PTPRG: variants seen among roughly 807,000 people sequenced by gnomAD.
PTPRG encodes protein tyrosine phosphatase receptor type G.
A neutral mutation model predicts 165.3 loss-of-function variants in PTPRG; 102 were observed. The observed-to-expected ratio is 0.62, with a 90% CI of 0.53 to 0.73. The LOEUF (loss-of-function observed/expected upper bound fraction) is 0.73. Among genes scored for constraint, PTPRG ranks in the 30% least tolerant of loss-of-function variants. The pLI, the probability that PTPRG is intolerant of heterozygous loss-of-function variation, is 0.00. For synonymous variants in PTPRG, 675 were observed against 669.5 expected (o/e 1.01, Z -0.13); for missense variants, 1,866 against 1,861.4 (o/e 1.00, Z -0.05).
chr3:61,593,083 C>T (rs1485691333), intron 1 of PTPRG, among the ~76,000 whole-genome samples: 1 of 152,204 alleles, frequency 6.6e-6, no homozygotes, highest in African/African-American at 2.4e-5. Context: ...GACTCATAGA[C>T]TCTTAGGCCC....
At chr3:62,017,256 T>C (rs890083997) in intron 4 of PTPRG, among the ~76,000 whole-genome samples, 6 of 152,158 alleles carry the variant, frequency 3.9e-5, no homozygotes, top group Admixed American at 3.9e-4. Context: ...AACTTTTAAT[T>C]CTTCATAAAA....
intron 1 of PTPRG, among the ~76,000 whole-genome samples, chr3:61,677,201 C>T (rs1018410644): frequency 1.4e-5 from 2 of 147,658 alleles, no homozygotes; most frequent in African/African-American, 5.1e-5. Context: ...GCCCAGATCG[C>T]ACCACTGCAC....
intron 2 of PTPRG, among the ~76,000 whole-genome samples, chr3:61,856,513 G>A (rs1356052122): frequency 4.6e-5 from 7 of 152,032 alleles, no homozygotes; most frequent in Admixed American, 1.3e-4. Context: ...CTCAACCTTG[G>A]TTCCAAAACA....
At position 61,571,892 on chromosome 3, in the gene PTPRG, C is replaced by A. The variant is rs145179925; in HGVS notation, c.85+9520C>A. 1.4e-3 allele frequency among the ~76,000 whole-genome samples: 210 copies of A among 152,316 alleles called. 2 individuals are homozygous for A. The East Asian group carries it at 0.035, about 25-fold the overall frequency. Reference sequence around the variant, plus strand: ...GTTTGGAACTAGCCATGGGAGCCAGCCAAACCAGCTGTGGGATCTTGGGCA... The same window carrying A: ...GTTTGGAACTAGCCATGGGAGCCAGACAAACCAGCTGTGGGATCTTGGGCA... On this transcript the variant is annotated intron_variant, in intron 1 of 29. Coordinates refer to ENST00000474889, the MANE Select transcript of PTPRG (RefSeq NM_002841.4).
intron 1 of PTPRG, among the ~76,000 whole-genome samples, chr3:61,724,588 A>G (rs866798692): frequency 6.6e-6 from 1 of 151,376 alleles, no homozygotes; most frequent in South Asian, 2.1e-4. Flanking sequence ...TACCTTTCCC[A>G]CTCTACACTC....
intron 1 of PTPRG, among the ~76,000 whole-genome samples, chr3:61,731,795 CT>C (rs936647283): frequency 1.3e-3 from 200 of 149,652 alleles, no homozygotes; most frequent in African/African-American, 4.3e-3. Context: ...TGCATAGGTA[CT>C]TTTTTTTTTC....
chr3:61,768,745 G>A (rs1036193764), intron 2 of PTPRG, among the ~76,000 whole-genome samples: 3 of 152,160 alleles, frequency 2.0e-5, no homozygotes, highest in Admixed American at 6.5e-5. Flanking sequence ...AGAAAGTGAG[G>A]GAAAGAGGAA....
At chr3:61,626,995 G>C (rs536958414) in intron 1 of PTPRG, among the ~76,000 whole-genome samples, 1 of 152,296 alleles carries the variant, frequency 6.6e-6, no homozygotes, top group Admixed American at 6.5e-5. Context: ...TGTATGGAAT[G>C]GCTTAAAGAG....
intron 1 of PTPRG, among the ~76,000 whole-genome samples, chr3:61,726,719 T>G (rs2032272735): frequency 6.6e-6 from 1 of 152,208 alleles, no homozygotes; most frequent in Non-Finnish European, 1.5e-5. Context: ...GACAGTTCCC[T>G]TGAGTTTATG....
At chr3:61,988,284 A>G (rs543154099) in intron 2 of PTPRG, among the ~76,000 whole-genome samples, 2 of 152,322 alleles carry the variant, frequency 1.3e-5, no homozygotes, top group East Asian at 3.9e-4. Context: ...TGCAGCCATG[A>G]AACCTCCCTT....
In PTPRG at chr3:62,226,171, T is replaced by C. The variant is rs6809826; in HGVS notation, c.2289-5054T>C. On this transcript the variant is annotated intron_variant, in intron 13 of 29. Transcript: ENST00000474889. ...TTTGAACCCAGACAATTTGACTTCA[T>C]AGCCCACTGGGTTAGCCAATACGTT... is the stretch of plus-strand genomic sequence containing the variant. Among the ~76,000 whole-genome samples the C allele has an allele frequency of 9.1e-3, 1,386 of 152,338 alleles. 15 individuals are homozygous for C. Among genetic ancestry groups the C allele is most frequent in the Middle Eastern group, 0.054 (16 of 294 alleles).
At chr3:61,992,626 T>C (rs553352115) in intron 3 of PTPRG, among the ~76,000 whole-genome samples, 101 of 152,122 alleles carry the variant, frequency 6.6e-4, no homozygotes, top group Non-Finnish European at 1.0e-3. Flanking sequence ...TTGAAGCAAT[T>C]CTCCCACCTC....
At chr3:61,687,187 A>C (rs138118844) in intron 1 of PTPRG, among the ~76,000 whole-genome samples, 1 of 152,334 alleles carries the variant, frequency 6.6e-6, no homozygotes, top group African/African-American at 2.4e-5. Context: ...ACCAGATTTG[A>C]AGGAAATGTT....
intron 6 of PTPRG, among the ~76,000 whole-genome samples, chr3:62,150,249 C>T (rs1428623413): frequency 6.6e-6 from 1 of 152,104 alleles, no homozygotes; most frequent in African/African-American, 2.4e-5. Context: ...GTGCAAAGGC[C>T]CTGGGGGCAG....
intron 2 of PTPRG, among the ~76,000 whole-genome samples, chr3:61,953,035 A>G (rs1292616435): frequency 6.6e-6 from 1 of 152,186 alleles, no homozygotes; most frequent in Admixed American, 6.5e-5. Context: ...GATACATCCT[A>G]GGATCCAGCA....
chr3:62,250,929 T>C (rs1007741982), intron 15 of PTPRG, among the ~76,000 whole-genome samples: 7 of 152,178 alleles, frequency 4.6e-5, no homozygotes, highest in African/African-American at 1.4e-4. Context: ...AAAGCTAAAA[T>C]CTGGGAACTT....
chr3:62,058,930 T>C (rs889987199), intron 4 of PTPRG, among the ~76,000 whole-genome samples: 7 of 152,112 alleles, frequency 4.6e-5, no homozygotes, highest in Admixed American at 4.6e-4. Flanking sequence ...TTATGAGCAA[T>C]TGTCACACCA....
intron 1 of PTPRG, among the ~76,000 whole-genome samples, chr3:61,591,054 C>G (rs1700556175): frequency 6.6e-6 from 1 of 152,150 alleles, no homozygotes; most frequent in Non-Finnish European, 1.5e-5. Flanking sequence ...GGAGTGAAAC[C>G]TCCACTGGGC....
At chr3:61,827,812 GTTAC>G (rs1176499982) in intron 2 of PTPRG, among the ~76,000 whole-genome samples, 1 of 152,080 alleles carries the variant, frequency 6.6e-6, no homozygotes, top group African/African-American at 2.4e-5. Context: ...TCCTGATACA[GTTAC>G]TTTAGAGATC....
Sources: gnomAD v4.1 joint callset for allele counts (sites outside exome capture counted in the v4.1 genomes callset) on GRCh38, gnomAD v4.1.1 for gene constraint, MANE v1.5 for transcripts, NCBI Gene and HGNC (gene_info 2026-07-23, HGNC 2026-07-21) for gene names.